Variants in ULK1 observed in about 807,000 individuals in gnomAD.
ULK1 encodes unc-51 like autophagy activating kinase 1.
A neutral mutation model predicts 117.5 loss-of-function variants in ULK1; 48 were observed. That is an observed-to-expected ratio of 0.41 (90% CI 0.32 to 0.52). The LOEUF (loss-of-function observed/expected upper bound fraction) is 0.52, where lower values mean the gene tolerates loss of function less well. ULK1 is among the 20% of genes least tolerant of loss of function. The pLI is 0.29. For synonymous variants in ULK1, 790 were observed against 637.8 expected, an observed-to-expected ratio of 1.24 and a Z score of -3.60; for missense variants, 1,387 against 1,473.4, an observed-to-expected ratio of 0.94 and a Z score of 0.96.
At chr12:131,917,991 C>T (rs562968699) in intron 22 of ULK1, among the ~76,000 whole-genome samples, 31 of 152,232 alleles carry the variant, frequency 2.0e-4, no homozygotes, top group African/African-American at 7.0e-4. Flanking sequence ...TGGCTGGGTC[C>T]CCACTGCGGG....
chr12:131,907,227 C>T (rs1889311387), intron 4 of ULK1, among the ~76,000 whole-genome samples: 1 of 152,176 alleles, frequency 6.6e-6, no homozygotes, highest in South Asian at 2.1e-4. Context: ...GCCACGTTGG[C>T]CAGGCTGGTC....
Position 131,915,951 on chromosome 12 carries a change from C to A in ULK1, c.1670C>A (p.Ala557Asp), listed in dbSNP as rs778422363. The change falls in exon 19 of 28, where the codon GCC becomes GAC. Residue 557 changes from alanine (A) to aspartate (D), a missense_variant. Transcript: ENST00000321867. The stretch of plus-strand genomic sequence containing the variant: ...GGGCTGGGCTGCCGCCTGCACAGCG[C>A]CCCCAACCTGTCTGACTTGCACGTC... ...TSGLGCRLHS[A>D]PNLSDLHVVR... The A allele has an allele frequency of 6.2e-7, 1 of 1,612,478 alleles. No individual in the cohort carries two copies. The highest frequency in any genetic ancestry group is 1.7e-5 in the Admixed American group (1 of 59,992).
chr12:131,901,517 G>C (rs1005860025), intron 3 of ULK1, among the ~76,000 whole-genome samples: 2 of 152,162 alleles, frequency 1.3e-5, no homozygotes, highest in African/African-American at 4.8e-5. Flanking sequence ...GGGCACGTCC[G>C]TCCTCCTGTG....
At chr12:131,917,327 A>C in intron 21 of ULK1, 84 bp from the exon 22 acceptor site, 1 of 835,766 alleles carries the variant, frequency 1.2e-6, no homozygotes, top group Non-Finnish European at 1.4e-6. Context: ...AGGCCGTGGG[A>C]TGGGGGTCGG....
rs1889795254 is a variant in ULK1 at position 131,916,544 on chromosome 12, G to C, written c.2025G>C (p.Leu675Phe). The change falls in exon 20 of 28, where the codon TTG (leucine) becomes TTC (phenylalanine). Residue 675 changes from leucine to phenylalanine, a missense_variant. Leu to Phe is a conservative substitution (Grantham distance 22). This residue lies in a region of ULK1 where 900 missense variants were observed against 858.9 expected (regional missense o/e 1.05). Transcript: ENST00000321867. The stretch of plus-strand genomic sequence containing the variant: ...TGGGACCCTTCCATGGTCAGCCGTT[G>C]GGCCCTGGCCTGCGGCCAGGCGAGG... ...SEVGPFHGQPLGPGLRPGEDP... is the reference protein window; with the variant it reads ...SEVGPFHGQPFGPGLRPGEDP... The C allele has an allele frequency of 6.2e-7, 1 of 1,608,804 alleles. No individual in the cohort carries two copies.
At position 131,920,003 on chromosome 12, in the gene ULK1, A is replaced by G; in HGVS notation, c.2828A>G (p.Tyr943Cys). Reference protein sequence around the residue: ...KQVVRRLNELYKASVVSCQGL... With the variant: ...KQVVRRLNELCKASVVSCQGL... ...GTGGTGCGCAGGCTGAATGAGCTGT[A>G]CAAGGCCAGCGTGGTGTCCTGCCAG... Residue 943 changes from tyrosine (Y) to cysteine (C), a missense_variant, in exon 26 of 28, where the codon TAC becomes TGC. Tyr to Cys is a radical substitution (Grantham distance 194, BLOSUM62 -2). This residue lies in a region of ULK1 where 900 missense variants were observed against 858.9 expected (regional missense o/e 1.05). Transcript: ENST00000321867. The G allele has an allele frequency of 6.2e-7, 1 of 1,612,834 alleles. No homozygotes were observed. The highest frequency in any genetic ancestry group is 8.5e-7 in the Non-Finnish European group (1 of 1,179,946).
rs750561287 is a variant in ULK1 at position 131,918,557 on chromosome 12, A to T, written c.2387A>T (p.Glu796Val). 1 of 1,610,894 alleles carries T rather than the reference A, an allele frequency of 6.2e-7. No individual in the cohort carries two copies. Among genetic ancestry groups the T allele is most frequent in the Admixed American group, 1.7e-5 (1 of 59,864 alleles). ...ARHLVPGPCSEAPAPELPAPG... is the reference protein window; with the variant it reads ...ARHLVPGPCSVAPAPELPAPG... ...CACCTGGTGCCTGGGCCCTGCAGCG[A>T]GGCCCCAGCCCCTGAGCTCCCTGCT... The change falls in exon 23 of 28, where the codon GAG becomes GTG. Residue 796 changes from glutamate to valine, a missense_variant. Glu to Val is a moderately radical substitution (Grantham distance 121, BLOSUM62 -2). Transcript: ENST00000321867.
intron 22 of ULK1, chr12:131,918,191 G>A (rs1330977444): frequency 8.3e-6 from 4 of 479,116 alleles, no homozygotes; most frequent in Non-Finnish European, 1.5e-5. Context: ...CCAGACAGTG[G>A]CAGCTGCCCT....
In ULK1 at chr12:131,895,649, G is replaced by A. The variant is rs752111469; in HGVS notation, c.160G>A (p.Ala54Thr). 3 of 1,614,052 alleles carry A rather than the reference G, an allele frequency of 1.9e-6. No homozygotes were observed. The South Asian group carries it at 3.3e-5, about 18-fold the overall frequency. ...AVKCINKKNL[A>T]KSQTLLGKEI... ...CAAGTGCATTAACAAGAAGAACCTC[G>A]CCAAGTCTCAGACGCTGCTGGGGAA... is the stretch of plus-strand genomic sequence containing the variant. Residue 54 changes from alanine (A) to threonine (T), a missense_variant, in exon 2 of 28, where the codon GCC becomes ACC. Transcript: ENST00000321867.
At chr12:131,910,342 T>C in intron 11 of ULK1, 38 bp downstream of exon 11, 3 of 1,611,200 alleles carry the variant, frequency 1.9e-6, no homozygotes, top group Non-Finnish European at 1.7e-6. Flanking sequence ...GCATGGGCCC[T>C]GCATGCACCC....
In ULK1 at chr12:131,911,974, C is replaced by T; in HGVS notation, c.981C>T (p.Thr327=). ...GCGAGATGCAGCAGCTGCAGAAGAC[C>T]CTGGCCTCCCCGGCTGACACCGCTG... is the stretch of plus-strand genomic sequence containing the variant. ...SLGEMQQLQK[T]LASPADTAGF... is the part of the protein sequence containing the mutation. The change falls in exon 13 of 28, where the codon ACC becomes ACT. Residue 327 remains threonine, a synonymous_variant. Transcript: ENST00000321867. 11 of 1,612,842 alleles carry T rather than the reference C, an allele frequency of 6.8e-6. No homozygotes were observed. The highest frequency in any genetic ancestry group is 8.5e-6 in the Non-Finnish European group (10 of 1,179,978).
In ULK1 at chr12:131,894,931, CGCG is replaced by C; in HGVS notation, c.-70_-68del. On this transcript the variant is annotated 5_prime_UTR_variant, in exon 1 of 28. Coordinates refer to ENST00000321867, the MANE Select transcript of ULK1 (RefSeq NM_003565.4). The stretch of plus-strand genomic sequence containing the variant: ...CGCCCCCGGCCCGCCCGCCCCGGCC[CGCG>C]CCTCCGCCTGAGTCCCCCGCGCCTT... 3 of 382,400 alleles carry C rather than the reference CGCG, an allele frequency of 7.8e-6. No individual in the cohort carries two copies. The highest frequency in any genetic ancestry group is 1.1e-5 in the Non-Finnish European group (3 of 284,420). 23.7% of individuals were successfully genotyped at this position (382,400 alleles called of 1,614,324 possible).
intron 15 of ULK1, 37 bp from the exon 16 acceptor site, chr12:131,914,315 C>T: frequency 1.9e-6 from 3 of 1,600,636 alleles, no homozygotes; most frequent in Non-Finnish European, 8.5e-7. Flanking sequence ...CTTGTGACCC[C>T]AGTGTCTGTC....
intron 11 of ULK1, 30 bp downstream of exon 11, chr12:131,910,334 A>G: frequency 1.2e-6 from 2 of 1,613,048 alleles, no homozygotes; most frequent in Middle Eastern, 1.6e-4. Context: ...GGGGCTCCGC[A>G]TGGGCCCTGC....
chr12:131,909,426 G>A (rs1409044586), intron 8 of ULK1, among the ~76,000 whole-genome samples, 189 bp downstream of exon 8: 1 of 152,186 alleles, frequency 6.6e-6, no homozygotes, highest in East Asian at 1.9e-4. Flanking sequence ...CGGCGCCGCC[G>A]GCGGTGACTG....
intron 20 of ULK1, 25 bp from the exon 21 acceptor site, chr12:131,916,928 A>T (rs1245663723): frequency 1.3e-6 from 2 of 1,586,412 alleles, no homozygotes; most frequent in East Asian, 4.5e-5. Context: ...CCGGGCACCC[A>T]GCACAGCCCT....
At chr12:131,910,156 A>C in intron 10 of ULK1, 98 bp from the exon 11 acceptor site, 2 of 1,577,230 alleles carry the variant, frequency 1.3e-6, no homozygotes, top group South Asian at 2.2e-5. Flanking sequence ...CCGCCCGGGC[A>C]GGTGCCCAAC....
intron 13 of ULK1, 131 bp from the exon 14 acceptor site, chr12:131,913,067 A>G: frequency 1.2e-6 from 1 of 811,998 alleles, no homozygotes; most frequent in Non-Finnish European, 1.8e-6. Flanking sequence ...TGCCCCCCGC[A>G]AGGCCGCTGT....
At chr12:131,920,214 A>T (rs1055581661) in intron 26 of ULK1, 78 bp downstream of exon 26, 79 of 1,538,730 alleles carry the variant, frequency 5.1e-5, no homozygotes, top group Non-Finnish European at 6.9e-5. Context: ...CGGGACCTTG[A>T]TGCCCACAGC....
Sources: allele counts gnomAD v4.1 joint callset (sites outside exome capture counted in the v4.1 genomes callset), GRCh38; gene constraint gnomAD v4.1.1; regional missense constraint gnomAD v4.1.1; transcripts MANE v1.5; gene names NCBI Gene and HGNC (gene_info 2026-07-23, HGNC 2026-07-21).